Variants in ZNF469 observed in about 807,000 individuals in gnomAD.
ZNF469 encodes the protein zinc finger protein 469.
Under a neutral mutation model 1.0 loss-of-function variants are expected in ZNF469, and 1 was observed. The ratio of observed to expected loss-of-function variants is 1.00; its 90% confidence interval spans 0.35 to 4.73. The LOEUF (loss-of-function observed/expected upper bound fraction) is 4.73, where lower values mean the gene tolerates loss of function less well. ZNF469 is among the 30% of genes most tolerant of loss of function. The probability of loss-of-function intolerance (pLI) is 0.16; values close to 1 mark genes in which losing one functional copy is unlikely to be tolerated. For synonymous variants in ZNF469, 2,703 were observed against 2,363.4 expected (o/e 1.14, Z -4.17); for missense variants, 6,100 against 5,356.3 (o/e 1.14, Z -4.33).
chr16:88,180,635 G>T, the ZNF469 span, among the ~76,000 whole-genome samples: 1 of 152,240 alleles, frequency 6.6e-6, no homozygotes, highest in Non-Finnish European at 1.5e-5. Flanking sequence ...TTAGCCGGGC[G>T]TGGTAGTGGG....
chr16:88,340,930 T>C, the ZNF469 span, among the ~76,000 whole-genome samples: 1 of 151,760 alleles, frequency 6.6e-6, no homozygotes, highest in Non-Finnish European at 1.5e-5. Context: ...CAGAGAGCCC[T>C]GGGGGTTGGG....
At position 88,435,300 on chromosome 16, in the gene ZNF469, A is replaced by T; in HGVS notation, c.7830A>T (p.Arg2610Ser). ...TGCATCCCAAACAGGCAGAAAAAAGAGAAGGCCGGAGGTGGCGCCGAGAGC... is the reference window on the plus strand; with the variant it reads ...TGCATCCCAAACAGGCAGAAAAAAGTGAAGGCCGGAGGTGGCGCCGAGAGC... ...DELHPKQAEK[R>S]EGRRWRREPT... The change falls in exon 3 of 3, where the codon AGA (arginine) becomes AGT (serine). Residue 2610 changes from arginine to serine, a missense_variant. Arg to Ser is a moderately radical substitution (Grantham distance 110). Transcript: ENST00000565624. The T allele has an allele frequency of 6.5e-7, 1 of 1,550,368 alleles. No individual in the cohort carries two copies. The highest frequency in any genetic ancestry group is 8.7e-7 in the Non-Finnish European group (1 of 1,146,980).
chr16:88,267,141 G>A, the ZNF469 span, among the ~76,000 whole-genome samples: 2 of 152,158 alleles, frequency 1.3e-5, no homozygotes, highest in South Asian at 2.1e-4. Context: ...ACCCTCCATC[G>A]GCGCCCTCAC....
chr16:88,237,137 CAT>C, the ZNF469 span, among the ~76,000 whole-genome samples: 31 of 141,686 alleles, frequency 2.2e-4, 1 homozygote, highest in Admixed American at 7.9e-4. Context: ...CTAAATCCTC[CAT>C]GCTCCTGCCA....
At position 88,438,455 on chromosome 16, in the gene ZNF469, G is replaced by A. The variant is rs562527410; in HGVS notation, c.10985G>A (p.Arg3662Gln). 3.7e-5 allele frequency: 58 copies of A among 1,550,126 alleles called. No homozygotes were observed. Among genetic ancestry groups the A allele is most frequent in the Non-Finnish European group, 4.6e-5 (53 of 1,146,960 alleles). ...SSHMVSEGGPRGAFHKGSATK... is the reference protein window; with the variant it reads ...SSHMVSEGGPQGAFHKGSATK... ...CACATGGTGTCTGAGGGGGGGCCCC[G>A]AGGCGCCTTCCACAAGGGCAGCGCC... The change falls in exon 3 of 3, where the codon CGA becomes CAA. Residue 3662 changes from arginine to glutamine, a missense_variant. Coordinates refer to ENST00000565624, the MANE Select transcript of ZNF469 (RefSeq NM_001367624.2).
At chr16:88,203,711 C>G in the ZNF469 span, among the ~76,000 whole-genome samples, 1 of 149,708 alleles carries the variant, frequency 6.7e-6, no homozygotes, top group African/African-American at 2.4e-5. Context: ...CACATGGCCT[C>G]TGCTCTGTGT....
At chr16:88,354,669 G>GA in the ZNF469 span, among the ~76,000 whole-genome samples, 1 of 152,168 alleles carries the variant, frequency 6.6e-6, no homozygotes, top group Non-Finnish European at 1.5e-5. Context: ...CTGTTAGGGT[G>GA]CGCTCATGTG....
Position 88,435,319 on chromosome 16 carries a change from C to G in ZNF469, c.7849C>G (p.Arg2617Gly). ...AEKREGRRWRREPTVDSPSHS... is the reference protein window; with the variant it reads ...AEKREGRRWRGEPTVDSPSHS... ...AAAAAGAGAAGGCCGGAGGTGGCGC[C>G]GAGAGCCCACCGTGGACTCTCCTAG... Residue 2617 changes from arginine to glycine, a missense_variant, in exon 3 of 3, where the codon CGA (arginine) becomes GGA (glycine). Physicochemically the swap from Arg to Gly is moderately radical, Grantham distance 125 (BLOSUM62 -2). Transcript: ENST00000565624. 1 of 1,550,304 alleles carries G rather than the reference C, an allele frequency of 6.5e-7. No individual in the cohort carries two copies. Among genetic ancestry groups the G allele is most frequent in the Non-Finnish European group, 8.7e-7 (1 of 1,146,976 alleles).
chr16:88,401,166 C>T (rs1031308683), intron 1 of ZNF469, among the ~76,000 whole-genome samples: 3 of 152,184 alleles, frequency 2.0e-5, no homozygotes, highest in East Asian at 1.9e-4. Context: ...GACCCAGAGA[C>T]AACCAAGAGT....
chr16:88,134,639 T>G, the ZNF469 span, among the ~76,000 whole-genome samples: 2 of 152,240 alleles, frequency 1.3e-5, no homozygotes, highest in Admixed American at 1.3e-4. Flanking sequence ...AAAAGCGGCA[T>G]CCATTTCCAT....
At chr16:88,281,057 G>A in the ZNF469 span, among the ~76,000 whole-genome samples, 14 of 150,486 alleles carry the variant, frequency 9.3e-5, no homozygotes, top group South Asian at 1.9e-3. Flanking sequence ...GTACTGTGCC[G>A]ATGTTGGCTC....
rs753986673 is a variant in ZNF469 at position 88,438,594 on chromosome 16, C to T, written c.11124C>T (p.Pro3708=). 1.7e-5 allele frequency: 27 copies of T among 1,550,030 alleles called. No individual in the cohort carries two copies. The highest frequency in any genetic ancestry group is 2.2e-5 in the Non-Finnish European group (25 of 1,146,918). ...GGAAGGCGGTGGGGAGCCTGGCACCCGGGGAGCTGGCCCGTGGCACAGAGA... is the reference window on the plus strand; with the variant it reads ...GGAAGGCGGTGGGGAGCCTGGCACCTGGGGAGCTGGCCCGTGGCACAGAGA... The part of the protein sequence containing the change: ...HPRKAVGSLA[P]GELARGTENG... The change falls in exon 3 of 3, where the codon CCC becomes CCT. Residue 3708 remains proline (P), a synonymous_variant. Coordinates refer to ENST00000565624, the MANE Select transcript of ZNF469 (RefSeq NM_001367624.2).
At chr16:88,321,708 A>G in the ZNF469 span, among the ~76,000 whole-genome samples, 4,183 of 151,348 alleles carry the variant, frequency 0.028, 188 homozygotes, top group African/African-American at 0.095. Flanking sequence ...TTCTGCATGT[A>G]AGACCTCATC....
the ZNF469 span, among the ~76,000 whole-genome samples, chr16:88,241,179 G>C: frequency 6.6e-6 from 1 of 152,118 alleles, no homozygotes; most frequent in Non-Finnish European, 1.5e-5. This position sits in a 1 kb window ranked among gnomAD's most constrained non-coding sequence, Gnocchi z 4.8. Flanking sequence ...ATCAGCCTGA[G>C]CAACATGACA....
chr16:88,261,350 A>G, the ZNF469 span, among the ~76,000 whole-genome samples: 3 of 152,154 alleles, frequency 2.0e-5, no homozygotes, highest in East Asian at 1.9e-4. The surrounding 1 kb of genome is among the most constrained non-coding windows in gnomAD (Gnocchi z 6.0). Context: ...TCCCCATTCC[A>G]TTTTGGGCTG....
chr16:88,146,980 G>T, the ZNF469 span, among the ~76,000 whole-genome samples: 1 of 152,064 alleles, frequency 6.6e-6, no homozygotes, highest in Non-Finnish European at 1.5e-5. Context: ...ACGTCAGGAG[G>T]GGTCTGCTGA....
At chr16:88,355,529 G>T in the ZNF469 span, among the ~76,000 whole-genome samples, 5 of 152,256 alleles carry the variant, frequency 3.3e-5, no homozygotes, top group African/African-American at 1.2e-4. Flanking sequence ...TGCAGCAGCT[G>T]CTGCCGATCC....
chr16:88,150,950 T>C, the ZNF469 span, among the ~76,000 whole-genome samples: 1 of 152,162 alleles, frequency 6.6e-6, no homozygotes, highest in Non-Finnish European at 1.5e-5. Context: ...GGAAGGGGTT[T>C]CGAGCCATGG....
At chr16:88,262,256 C>G in the ZNF469 span, among the ~76,000 whole-genome samples, 2 of 152,302 alleles carry the variant, frequency 1.3e-5, no homozygotes, top group Non-Finnish European at 2.9e-5. The surrounding 1 kb of genome is among the most constrained non-coding windows in gnomAD (Gnocchi z 4.3). Flanking sequence ...ATAAAACACC[C>G]TGAAATAACA....
Sources: gnomAD v4.1 joint callset for allele counts (sites outside exome capture counted in the v4.1 genomes callset) on GRCh38, gnomAD v4.1.1 for gene constraint, Gnocchi (gnomAD v3.1) non-coding constraint, MANE v1.5 for transcripts, NCBI Gene and HGNC (gene_info 2026-07-23, HGNC 2026-07-21) for gene names.